Variants in FHAD1 observed in about 807,000 individuals in gnomAD.
The protein encoded by FHAD1 is forkhead associated phosphopeptide binding domain 1.
Under a neutral mutation model 191.3 loss-of-function variants are expected in FHAD1, and 146 were observed. The observed-to-expected ratio is 0.76, with a 90% CI of 0.67 to 0.88. FHAD1 has a LOEUF of 0.88. Among genes scored for constraint, FHAD1 ranks in the 40% least tolerant of loss-of-function variants. The probability of loss-of-function intolerance (pLI) is 0.00; values close to 1 mark genes in which losing one functional copy is unlikely to be tolerated. For missense variants in FHAD1, 1,635 were observed against 1,785.8 expected (o/e 0.92, Z 1.52); for synonymous variants, 616 against 672.3 (o/e 0.92, Z 1.29).
chr1:15,387,699 T>TA (rs1359912733), intron 31 of FHAD1, among the ~76,000 whole-genome samples: 1 of 151,676 alleles, frequency 6.6e-6, no homozygotes, highest in Admixed American at 6.6e-5. Flanking sequence ...AGCCTGGCAA[T>TA]ATGGCAAAAA....
chr1:15,321,562 T>C (rs1418709774), intron 10 of FHAD1, among the ~76,000 whole-genome samples: 1 of 152,262 alleles, frequency 6.6e-6, no homozygotes, highest in Non-Finnish European at 1.5e-5. Flanking sequence ...TATTTGAAAC[T>C]CCAAAAGACA....
At chr1:15,323,152 G>C (rs1472380810) in intron 10 of FHAD1, among the ~76,000 whole-genome samples, 1 of 152,202 alleles carries the variant, frequency 6.6e-6, no homozygotes, top group African/African-American at 2.4e-5. Context: ...AATTGAAGTT[G>C]AGATTTGGGT....
At chr1:15,260,743 C>A (rs553238716) in intron 2 of FHAD1, among the ~76,000 whole-genome samples, 86 of 152,368 alleles carry the variant, frequency 5.6e-4, no homozygotes, top group Non-Finnish European at 1.0e-3. Flanking sequence ...ACCTCCCCGT[C>A]TGACTCATCT....
chr1:15,270,203 A>G (rs12047218), intron 2 of FHAD1, among the ~76,000 whole-genome samples: 92,436 of 152,064 alleles, frequency 0.61, 28,386 homozygotes, highest in East Asian at 0.83. Flanking sequence ...GAGCCACCAC[A>G]CCTGGCCTAA....
chr1:15,283,106 G>T (rs899141326), intron 3 of FHAD1, among the ~76,000 whole-genome samples: 3 of 152,228 alleles, frequency 2.0e-5, no homozygotes, highest in African/African-American at 4.8e-5. Context: ...AGAAACGAAG[G>T]GGTGGTTTAT....
chr1:15,338,143 C>T (rs1407913269), intron 14 of FHAD1, among the ~76,000 whole-genome samples: 1 of 152,192 alleles, frequency 6.6e-6, no homozygotes, highest in African/African-American at 2.4e-5. Flanking sequence ...CCCACCACCC[C>T]CACATCCCGG....
Position 15,367,295 on chromosome 1 carries a change from A to G in FHAD1, c.3155-168A>G, listed in dbSNP as rs547488251. Among the ~76,000 whole-genome samples the G allele has an allele frequency of 1.7e-4, 26 of 152,252 alleles. No homozygotes were observed. The East Asian group carries it at 4.8e-3, about 28-fold the overall frequency. On this transcript the variant is annotated intron_variant, in intron 24 of 33. Transcript: ENST00000688493. Reference sequence around the variant, plus strand: ...TGGATCACCTGAGGTCAGGAGTTTGAGACCAGCCTGGCCAACATGGTGAAA... The same window carrying G: ...TGGATCACCTGAGGTCAGGAGTTTGGGACCAGCCTGGCCAACATGGTGAAA...
intron 19 of FHAD1, among the ~76,000 whole-genome samples, chr1:15,350,289 C>A (rs2479075): frequency 1.3e-5 from 2 of 152,180 alleles, no homozygotes; most frequent in Non-Finnish European, 1.5e-5. Flanking sequence ...GAAGCAGGGG[C>A]GGCTCCAGGG....
At chr1:15,331,441 T>G in intron 14 of FHAD1, among the ~76,000 whole-genome samples, 1 of 120,730 alleles carries the variant, frequency 8.3e-6, no homozygotes, top group Non-Finnish European at 1.7e-5. Flanking sequence ...GACGGACGGG[T>G]GGAAGAAAGA....
chr1:15,343,529 CAT>C (rs1257146212), intron 16 of FHAD1, among the ~76,000 whole-genome samples: 4 of 152,186 alleles, frequency 2.6e-5, no homozygotes, highest in African/African-American at 9.6e-5. Context: ...TCCATCCTCA[CAT>C]GTGTGTCCAG....
In FHAD1 at chr1:15,324,557, C is replaced by T. The variant is rs1031719491; in HGVS notation, c.1471C>T (p.Gln491Ter). Residue 491 changes from glutamine (Q) to a stop codon, truncating the protein, a stop_gained and splice_region_variant, in exon 11 of 34, where the codon CAG becomes TAG. Coordinates refer to ENST00000688493, the MANE Select transcript of FHAD1 (RefSeq NM_001391957.1). LOFTEE classifies it high-confidence loss of function. ...AATCAATTTGGAGAGGGCAGTAGGT[C>T]AGGTAGGCATGTTCCAGAGCCCCCC... ...IKINLERAVG[Q>*]LEHFRSQVIK... 1.3e-6 allele frequency: 2 copies of T among 1,548,564 alleles called. No individual in the cohort carries two copies. Among genetic ancestry groups the T allele is most frequent in the African/African-American group, 1.4e-5 (1 of 72,976 alleles).
At chr1:15,368,892 C>G (rs1336444341) in intron 25 of FHAD1, among the ~76,000 whole-genome samples, 1 of 152,040 alleles carries the variant, frequency 6.6e-6, no homozygotes, top group Non-Finnish European at 1.5e-5. Flanking sequence ...GAGCCAAGAT[C>G]ACACCATTGC....
At chr1:15,261,165 G>A (rs1180644260) in intron 2 of FHAD1, among the ~76,000 whole-genome samples, 1 of 152,130 alleles carries the variant, frequency 6.6e-6, no homozygotes, top group African/African-American at 2.4e-5. Context: ...ACTTTTGTGT[G>A]TATTAACTCG....
intron 2 of FHAD1, among the ~76,000 whole-genome samples, chr1:15,256,052 G>C (rs1162419830): frequency 6.6e-6 from 1 of 152,184 alleles, no homozygotes; most frequent in Admixed American, 6.5e-5. Context: ...GGAATACCTC[G>C]GCCACCAGCC....
At chr1:15,355,294 C>T (rs992525151) in intron 20 of FHAD1, among the ~76,000 whole-genome samples, 3 of 152,134 alleles carry the variant, frequency 2.0e-5, no homozygotes, top group African/African-American at 7.2e-5. Flanking sequence ...GAACAGGACC[C>T]AGCCCAGGAA....
intron 11 of FHAD1, chr1:15,326,831 G>A (rs1369924513): frequency 4.0e-6 from 2 of 500,096 alleles, no homozygotes; most frequent in East Asian, 3.4e-5. Flanking sequence ...CACAGGCATC[G>A]TTCGGGTTAG....
At chr1:15,391,619 A>G (rs1267816689) in intron 33 of FHAD1, among the ~76,000 whole-genome samples, 1 of 152,254 alleles carries the variant, frequency 6.6e-6, no homozygotes, top group Non-Finnish European at 1.5e-5. Context: ...GAGGCAAGCT[A>G]TCAGGAAGCT....
intron 31 of FHAD1, among the ~76,000 whole-genome samples, chr1:15,387,733 A>T (rs938334149): frequency 6.6e-6 from 1 of 152,050 alleles, no homozygotes; most frequent in Non-Finnish European, 1.5e-5. Flanking sequence ...AAAATTAAAA[A>T]AATTAGCTGG....
chr1:15,356,728 C>T (rs897652249), intron 20 of FHAD1, among the ~76,000 whole-genome samples: 20 of 151,994 alleles, frequency 1.3e-4, no homozygotes, highest in South Asian at 2.1e-4. Flanking sequence ...AAAAATTAGC[C>T]GGGCGTGGTG....
Sources: allele counts gnomAD v4.1 joint callset (sites outside exome capture counted in the v4.1 genomes callset), GRCh38; gene constraint gnomAD v4.1.1; transcripts MANE v1.5; gene names NCBI Gene and HGNC (gene_info 2026-07-23, HGNC 2026-07-21).